The following SLC25A26 variants were observed in gnomAD, a reference collection of about 807,000 sequenced individuals.
SLC25A26 encodes the protein solute carrier family 25 member 26.
Under a neutral mutation model 37.8 loss-of-function variants are expected in SLC25A26, and 36 were observed. That is an observed-to-expected ratio of 0.95 (90% CI 0.73 to 1.26). The LOEUF (loss-of-function observed/expected upper bound fraction) is 1.26. SLC25A26 is among the 50% of genes most tolerant of loss of function. The probability of loss-of-function intolerance (pLI) is 0.00; values close to 1 mark genes in which losing one functional copy is unlikely to be tolerated. For missense variants in SLC25A26, 390 were observed against 331.1 expected (o/e 1.18, Z -1.38); for synonymous variants, 129 against 122.5 (o/e 1.05, Z -0.35).
At chr3:66,209,859 C>T (rs1559578125) in intron 1 of SLC25A26, among the ~76,000 whole-genome samples, 1 of 111,294 alleles carries the variant, frequency 9.0e-6, no homozygotes, top group Admixed American at 9.7e-5. Context: ...GGTGTGTATA[C>T]ACACACATAT....
At chr3:66,283,327 A>C (rs2074406894) in intron 5 of SLC25A26, among the ~76,000 whole-genome samples, 1 of 152,160 alleles carries the variant, frequency 6.6e-6, no homozygotes, top group African/African-American at 2.4e-5. Context: ...GTGTTAACCC[A>C]GGCTGAGTGC....
intron 1 of SLC25A26, among the ~76,000 whole-genome samples, chr3:66,153,699 G>C (rs1032037256): frequency 2.6e-5 from 4 of 152,198 alleles, no homozygotes; most frequent in Non-Finnish European, 4.4e-5. Flanking sequence ...GGAATTTCAG[G>C]CACCAGCAGT....
intron 9 of SLC25A26, chr3:66,371,545 T>A (rs937520306): frequency 3.3e-6 from 4 of 1,200,956 alleles, no homozygotes; most frequent in African/African-American, 1.6e-5. Flanking sequence ...GGGATTGACG[T>A]TGGGGGTGTG....
intron 3 of SLC25A26, among the ~76,000 whole-genome samples, chr3:66,252,875 C>T (rs2073138368): frequency 6.6e-6 from 1 of 152,070 alleles, no homozygotes; most frequent in Non-Finnish European, 1.5e-5. Flanking sequence ...CTTCCAGGAG[C>T]ACCTCTGTTT....
chr3:66,347,946 G>C (rs1057243861), intron 6 of SLC25A26, among the ~76,000 whole-genome samples: 2 of 152,160 alleles, frequency 1.3e-5, no homozygotes, highest in East Asian at 1.9e-4. Context: ...GGACACAGAA[G>C]AACAACACAC....
At chr3:66,365,022 AG>A (rs1226653238) in intron 7 of SLC25A26, among the ~76,000 whole-genome samples, 4 of 152,224 alleles carry the variant, frequency 2.6e-5, no homozygotes, top group Non-Finnish European at 4.4e-5. Context: ...TACTATTTTA[AG>A]GCATTTCTGA....
At chr3:66,240,722 C>T (rs1455649854) in intron 2 of SLC25A26, among the ~76,000 whole-genome samples, 1 of 150,376 alleles carries the variant, frequency 6.6e-6, no homozygotes, top group African/African-American at 2.4e-5. Context: ...TTTATGTATT[C>T]ATGACAGGGC....
intron 1 of SLC25A26, among the ~76,000 whole-genome samples, chr3:66,167,257 C>T (rs541352507): frequency 1.1e-4 from 17 of 150,950 alleles, no homozygotes; most frequent in Admixed American, 3.9e-4. Flanking sequence ...ACTTTCCACA[C>T]GATCTGACGT....
intron 1 of SLC25A26, among the ~76,000 whole-genome samples, chr3:66,181,436 G>T (rs1347449366): frequency 6.6e-6 from 1 of 152,170 alleles, no homozygotes; most frequent in Non-Finnish European, 1.5e-5. Flanking sequence ...AATGTATACA[G>T]AGCATGTCGT....
In SLC25A26 at chr3:66,245,811, T is replaced by A. The variant is rs189207457; in HGVS notation, c.300+2499T>A. On this transcript the variant is annotated intron_variant, in intron 3 of 9. Coordinates refer to ENST00000354883, the MANE Select transcript of SLC25A26 (RefSeq NM_001379210.1). ...TTTTTTTTTAAAGAAACCAGCTTTA[T>A]TGAGATACAGTTCACATACCATACA... Among the ~76,000 whole-genome samples the A allele has an allele frequency of 2.2e-3, 342 of 152,308 alleles. 3 individuals are homozygous for A. Among genetic ancestry groups the A allele is most frequent in the South Asian group, 0.011 (55 of 4,826 alleles).
chr3:66,266,866 A>C (rs1048425962), intron 5 of SLC25A26, among the ~76,000 whole-genome samples: 6 of 152,198 alleles, frequency 3.9e-5, no homozygotes, highest in African/African-American at 1.2e-4. Context: ...TTGGCCTGAA[A>C]ATTTTATGGA....
At chr3:66,144,767 A>G (rs139974897) in intron 1 of SLC25A26, among the ~76,000 whole-genome samples, 207 of 152,348 alleles carry the variant, frequency 1.4e-3, no homozygotes, top group Non-Finnish European at 2.5e-3. Context: ...TAGACAGTGC[A>G]TTGCAATCAT....
intron 1 of SLC25A26, among the ~76,000 whole-genome samples, chr3:66,194,627 G>A (rs1423157564): frequency 6.6e-6 from 1 of 152,066 alleles, no homozygotes; most frequent in Non-Finnish European, 1.5e-5. Flanking sequence ...TTTTTGAGAC[G>A]GAGTTACGCT....
intron 1 of SLC25A26, among the ~76,000 whole-genome samples, chr3:66,154,910 G>A (rs897254772): frequency 2.0e-5 from 3 of 152,214 alleles, no homozygotes; most frequent in African/African-American, 7.2e-5. Context: ...GATAAAGTAT[G>A]TATCAGCTCT....
intron 5 of SLC25A26, among the ~76,000 whole-genome samples, chr3:66,294,182 G>A (rs1365712572): frequency 6.6e-6 from 1 of 152,052 alleles, no homozygotes; most frequent in Non-Finnish European, 1.5e-5. Context: ...TCATTTGCTT[G>A]TGTCATCTCT....
chr3:66,164,803 C>A (rs914090214), intron 1 of SLC25A26, among the ~76,000 whole-genome samples: 1 of 152,118 alleles, frequency 6.6e-6, no homozygotes, highest in Non-Finnish European at 1.5e-5. Flanking sequence ...CTTTCTAACA[C>A]CTGCACAAAA....
chr3:66,183,356 C>T (rs978176110), intron 1 of SLC25A26, among the ~76,000 whole-genome samples: 2 of 152,072 alleles, frequency 1.3e-5, no homozygotes, highest in Non-Finnish European at 1.5e-5. Context: ...CTCAGATTCT[C>T]ACCCTCACAA....
intron 9 of SLC25A26, among the ~76,000 whole-genome samples, chr3:66,372,650 A>G (rs1700408416): frequency 6.6e-6 from 1 of 152,186 alleles, no homozygotes; most frequent in African/African-American, 2.4e-5. Context: ...TAAGAGCATT[A>G]CAGACAGCAG....
At chr3:66,222,402 G>T (rs536344841) in intron 1 of SLC25A26, among the ~76,000 whole-genome samples, 194 of 152,206 alleles carry the variant, frequency 1.3e-3, no homozygotes, top group African/African-American at 4.3e-3. Flanking sequence ...GGATGGTCTC[G>T]ATCTCCTGAC....
Sources: allele counts gnomAD v4.1 joint callset (sites outside exome capture counted in the v4.1 genomes callset), GRCh38; gene constraint gnomAD v4.1.1; transcripts MANE v1.5; gene names NCBI Gene and HGNC (gene_info 2026-07-23, HGNC 2026-07-21).